The following CEP250 variants were observed in gnomAD, a reference collection of about 807,000 sequenced individuals.
CEP250 encodes centrosomal protein 250.
Under a neutral mutation model 315.7 loss-of-function variants are expected in CEP250, and 242 were observed. The observed-to-expected ratio is 0.77, with a 90% CI of 0.69 to 0.85. The LOEUF is 0.85. Among genes scored for constraint, CEP250 ranks in the 40% least tolerant of loss-of-function variants. The probability of loss-of-function intolerance (pLI) is 0.00; values close to 1 mark genes in which losing one functional copy is unlikely to be tolerated. For synonymous variants in CEP250, 1,088 were observed against 1,175.0 expected (o/e 0.93, Z 1.51); for missense variants, 2,515 against 2,886.4 (o/e 0.87, Z 2.95).
At chr20:35,474,077 G>A (rs373384549) in intron 14 of CEP250, 25 bp downstream of exon 14, 14 of 1,488,802 alleles carry the variant, frequency 9.4e-6, no homozygotes, top group Admixed American at 2.8e-5. Flanking sequence ...TCTCCTCCTC[G>A]CTGGGCCCTG....
rs1432199751 is a variant in CEP250, at chr20:35,505,059, G to A, written c.6636+54G>A. The A allele has an allele frequency of 6.2e-6, 9 of 1,461,632 alleles. No individual in the cohort carries two copies. In the Admixed American group the frequency reaches 2.2e-4, roughly 35 times the overall value. The allele number at this position is 1,461,632 out of a possible 1,614,324, so 90.5% of individuals were successfully genotyped here. A position where few individuals can be genotyped will look rare whatever the true frequency, so the allele number is the denominator to read the frequency against. On this transcript the variant is annotated intron_variant, in intron 30 of 34. Coordinates refer to ENST00000397527, the MANE Select transcript of CEP250 (RefSeq NM_007186.6). ...AGGGGACACACCCCTGTCTGGCTGA[G>A]CTCAGGGACTGCCCACCACCCTGGG...
intron 13 of CEP250, 122 bp from the exon 14 acceptor site, chr20:35,473,748 A>T (rs1646170966): frequency 1.2e-5 from 13 of 1,071,556 alleles, no homozygotes; most frequent in Non-Finnish European, 1.7e-5. Flanking sequence ...ATGATAAAAA[A>T]GTTTCGCACT....
At position 35,494,026 on chromosome 20, in the gene CEP250, G is replaced by A. The variant is rs548315644; in HGVS notation, c.3033+454G>A. ...GAGACAGGATTTCACTATGTCGCCC[G>A]GGCTGAAGTGCAGATCATAACTCAC... On this transcript the variant is annotated intron_variant, in intron 23 of 34. Coordinates refer to ENST00000397527, the MANE Select transcript of CEP250 (RefSeq NM_007186.6). 7.2e-5 allele frequency among the ~76,000 whole-genome samples: 11 copies of A among 152,038 alleles called. No individual in the cohort carries two copies. The East Asian group carries it at 9.7e-4, about 13-fold the overall frequency.
At chr20:35,470,102 C>T (rs949099536) in intron 10 of CEP250, 116 bp downstream of exon 10, 3 of 703,478 alleles carry the variant, frequency 4.3e-6, no homozygotes, top group East Asian at 5.3e-5. Context: ...TCCTCTAAAG[C>T]TAAAAAATAA....
rs200268845 is a variant in CEP250 at position 35,503,941 on chromosome 20, C to A, written c.5572C>A (p.His1858Asn). ...AGCCCATATGACACTGAAGGAGCGTCATGGAGAGCTTCAGGACCACAAGGA... is the reference window on the plus strand; with the variant it reads ...AGCCCATATGACACTGAAGGAGCGTAATGGAGAGCTTCAGGACCACAAGGA... ...EQAHMTLKER[H>N]GELQDHKEQA... is the part of the protein sequence containing the mutation. The change falls in exon 30 of 35, where the codon CAT becomes AAT. Residue 1858 changes from histidine (H) to asparagine (N), a missense_variant. Physicochemically the swap from His to Asn is moderately conservative, Grantham distance 68. Coordinates refer to ENST00000397527, the MANE Select transcript of CEP250 (RefSeq NM_007186.6). The surrounding 1 kb of genome is among the most constrained non-coding windows in gnomAD (Gnocchi z 4.2). The A allele has an allele frequency of 9.3e-6, 15 of 1,613,448 alleles. No individual in the cohort carries two copies. In the African/African-American group the frequency reaches 2.0e-4, roughly 22 times the overall value.
At chr20:35,507,628 A>C in intron 30 of CEP250, 110 bp from the exon 31 acceptor site, 1 of 847,476 alleles carries the variant, frequency 1.2e-6, no homozygotes, top group Non-Finnish European at 1.9e-6. Context: ...TCTAGGAAAA[A>C]TAAGACAAAA....
At chr20:35,485,149 G>A (rs2063473318) in intron 20 of CEP250, among the ~76,000 whole-genome samples, 2 of 151,906 alleles carry the variant, frequency 1.3e-5, no homozygotes, top group African/African-American at 4.8e-5. Flanking sequence ...TAGGTGGCCG[G>A]ATCACCTGAA....
In CEP250 at chr20:35,509,036, A is replaced by C; in HGVS notation, c.7000A>C (p.Thr2334Pro). The C allele has an allele frequency of 6.4e-7, 1 of 1,555,024 alleles. No individual in the cohort carries two copies. The highest frequency in any genetic ancestry group is 8.7e-7 in the Non-Finnish European group (1 of 1,148,604). Reference sequence around the variant, plus strand: ...CAGCAAGGCCACGGCTTCTTCACCCACACAGCAGGTTTACTCATTTTCCTC... The same window carrying C: ...CAGCAAGGCCACGGCTTCTTCACCCCCACAGCAGGTTTACTCATTTTCCTC... Reference protein sequence around the residue: ...EISKATASSPTQQDGRGQKNS... With the variant: ...EISKATASSPPQQDGRGQKNS... The change falls in exon 33 of 35, where the codon ACA becomes CCA. Residue 2334 changes from threonine to proline, a missense_variant. By Grantham distance (38) the Thr-to-Pro change is conservative. Transcript: ENST00000397527.
chr20:35,503,303 A>G lies in CEP250; in HGVS notation c.4934A>G (p.Gln1645Arg). 1.2e-6 allele frequency: 2 copies of G among 1,614,222 alleles called. No homozygotes were observed. The highest frequency in any genetic ancestry group is 1.7e-6 in the Non-Finnish European group (2 of 1,180,030). The change falls in exon 30 of 35, where the codon CAG becomes CGG. Residue 1645 changes from glutamine to arginine, a missense_variant. Gln to Arg is a conservative substitution (Grantham distance 43). Coordinates refer to ENST00000397527, the MANE Select transcript of CEP250 (RefSeq NM_007186.6). The surrounding 1 kb of genome is among the most constrained non-coding windows in gnomAD (Gnocchi z 4.2). ...GAACAGATCGAGGAGCTGCAGAGGC[A>G]GAAAGAGCATCTGACTCAGGATCTC... ...QREQIEELQR[Q>R]KEHLTQDLER...
Position 35,507,734 on chromosome 20 carries a change from C to G in CEP250, c.6637-4C>G, listed in dbSNP as rs756618230. 4.5e-6 allele frequency: 7 copies of G among 1,552,272 alleles called. No homozygotes were observed. In the South Asian group the frequency reaches 8.3e-5, roughly 18 times the overall value. On this transcript the variant is annotated splice_polypyrimidine_tract_variant and splice_region_variant and intron_variant, in intron 30 of 34. Coordinates refer to ENST00000397527, the MANE Select transcript of CEP250 (RefSeq NM_007186.6). ...TGATTTTGCTCCATACCTCCGTACC[C>G]TAGGATGAACTGGAGCTCACCAGAC...
At chr20:35,501,618 C>T (rs1017684978) in intron 28 of CEP250, among the ~76,000 whole-genome samples, 3 of 152,156 alleles carry the variant, frequency 2.0e-5, no homozygotes, top group African/African-American at 7.2e-5. Flanking sequence ...CCAGGCAGTG[C>T]TGGGGCTGGC....
In CEP250 at chr20:35,510,009, A is replaced by C; in HGVS notation, c.7020A>C (p.Gly2340=). 1 of 1,614,164 alleles carries C rather than the reference A, an allele frequency of 6.2e-7. No homozygotes were observed. The highest frequency in any genetic ancestry group is 8.5e-7 in the Non-Finnish European group (1 of 1,179,994). Residue 2340 remains glycine (G), a synonymous_variant, in exon 34 of 35, where the codon GGA becomes GGC. Transcript: ENST00000397527. ...TTTGTCTTCCTTAGGATGGGAGAGGACAGAAGAACTCAGATGCCAAGTGTG... is the reference window on the plus strand; with the variant it reads ...TTTGTCTTCCTTAGGATGGGAGAGGCCAGAAGAACTCAGATGCCAAGTGTG... ...ASSPTQQDGR[G]QKNSDAKCVA...
intron 20 of CEP250, among the ~76,000 whole-genome samples, chr20:35,482,814 G>A (rs142494978): frequency 2.0e-5 from 3 of 151,886 alleles, no homozygotes; most frequent in East Asian, 1.9e-4. Flanking sequence ...CACCCACCTC[G>A]GCCTCCCAAA....
chr20:35,500,878 G>A (rs2063983610), intron 28 of CEP250, among the ~76,000 whole-genome samples: 1 of 152,150 alleles, frequency 6.6e-6, no homozygotes, highest in Non-Finnish European at 1.5e-5. Context: ...AAATGGCTGG[G>A]CTTCCATTTT....
chr20:35,490,628 T>C lies in CEP250; in HGVS notation c.2587-9T>C. The C allele has an allele frequency of 2.5e-6, 4 of 1,609,946 alleles. No individual in the cohort carries two copies. Among genetic ancestry groups the C allele is most frequent in the Non-Finnish European group, 2.5e-6 (3 of 1,179,038 alleles). On this transcript the variant is annotated splice_polypyrimidine_tract_variant and intron_variant, in intron 20 of 34. Transcript: ENST00000397527. ...TTTGGTTCTAATGGTGTTTCCTTCA[T>C]GTGGCCAGGAGAAGGAGCGCTCCTG...
intron 20 of CEP250, 152 bp from the exon 21 acceptor site, chr20:35,490,485 T>C (rs2063655106): frequency 7.7e-6 from 4 of 517,688 alleles, no homozygotes; most frequent in African/African-American, 7.6e-5. Context: ...CAGGGAATAT[T>C]AGCCTTGCTT....
At position 35,477,958 on chromosome 20, in the gene CEP250, G is replaced by GA; in HGVS notation, c.1952dup (p.Lys652GlufsTer21). The GA allele has an allele frequency of 6.2e-7, 1 of 1,613,062 alleles. No homozygotes were observed. The highest frequency in any genetic ancestry group is 8.5e-7 in the Non-Finnish European group (1 of 1,179,618). ...TTTGCAGGTCGACCTGGCGGAGGCA[G>GA]AGAAGAGGAGGGAAGCCCTGTGGGA... On this transcript the variant is annotated frameshift_variant, in exon 17 of 35. Coordinates refer to ENST00000397527, the MANE Select transcript of CEP250 (RefSeq NM_007186.6). LOFTEE classifies it high-confidence loss of function.
Position 35,508,990 on chromosome 20 carries a change from C to A in CEP250, c.6954C>A (p.Ala2318=). ...TGAAGAGGGAGGCCATGCGTGCGGC[C>A]CAGGCAGGGTCCCTAGAGATCAGCA... ...RKLKREAMRA[A]QAGSLEISKA... is the part of the protein sequence containing the mutation. Residue 2318 remains alanine, a synonymous_variant, in exon 33 of 35, where the codon GCC becomes GCA. Coordinates refer to ENST00000397527, the MANE Select transcript of CEP250 (RefSeq NM_007186.6). 6.4e-7 allele frequency: 1 copy of A among 1,558,964 alleles called. No individual in the cohort carries two copies. The highest frequency in any genetic ancestry group is 1.7e-4 in the Middle Eastern group (1 of 5,994).
intron 20 of CEP250, among the ~76,000 whole-genome samples, chr20:35,488,274 T>G (rs1403334933): frequency 6.6e-6 from 1 of 152,206 alleles, no homozygotes; most frequent in Non-Finnish European, 1.5e-5. Flanking sequence ...TTTTCATATT[T>G]TTACAGTTGG....
Sources: allele counts gnomAD v4.1 joint callset (sites outside exome capture counted in the v4.1 genomes callset), GRCh38; gene constraint gnomAD v4.1.1; non-coding constraint Gnocchi (gnomAD v3.1); transcripts MANE v1.5; gene names NCBI Gene and HGNC (gene_info 2026-07-23, HGNC 2026-07-21).